USP15: variants seen among roughly 807,000 people sequenced by gnomAD.
The protein encoded by USP15 is ubiquitin specific peptidase 15.
USP15 carries 18 observed loss-of-function variants against 127.1 expected under a neutral mutation model. That is an observed-to-expected ratio of 0.14 (90% CI 0.10 to 0.21). The LOEUF is 0.21. Ranked by LOEUF, USP15 falls within the 10% of genes least tolerant of loss-of-function variation. The pLI is 1.00. For synonymous variants in USP15, 364 were observed against 393.7 expected, an observed-to-expected ratio of 0.92 and a Z score of 0.89; for missense variants, 805 against 1,159.9, an observed-to-expected ratio of 0.69 and a Z score of 4.44.
intron 6 of USP15, chr12:62,335,195 C>T: frequency 1.3e-6 from 2 of 1,535,644 alleles, no homozygotes; most frequent in Non-Finnish European, 1.7e-6. Flanking sequence ...TGCTAGTGAA[C>T]AGTTTAATTT....
At position 62,412,079 on chromosome 12, in the gene USP15, A is replaced by G. The variant is rs2068052400; in HGVS notation, c.*7704A>G. 1.3e-5 allele frequency: 2 copies of G among 152,218 alleles called. No individual in the cohort carries two copies. The highest frequency in any genetic ancestry group is 4.1e-4 in the South Asian group (2 of 4,832). The allele number at this position is 152,218 out of a possible 1,614,324, so 9.4% of individuals were successfully genotyped here. A position where few individuals can be genotyped will look rare whatever the true frequency, so the allele number is the denominator to read the frequency against. ...GATATTGCAGGTTCGGTTCCCAGCCACCATAAATATTTAAATAAAGTGAGT... is the reference window on the plus strand; with the variant it reads ...GATATTGCAGGTTCGGTTCCCAGCCGCCATAAATATTTAAATAAAGTGAGT... On this transcript the variant is annotated 3_prime_UTR_variant, in exon 22 of 22. Coordinates refer to ENST00000280377, the MANE Select transcript of USP15 (RefSeq NM_001252078.2).
At chr12:62,343,444 G>A (rs146100220) in intron 6 of USP15, among the ~76,000 whole-genome samples, 86 of 152,274 alleles carry the variant, frequency 5.6e-4, no homozygotes, top group Non-Finnish European at 1.0e-3. Flanking sequence ...GGCATTCCAG[G>A]CACCACTGTA....
chr12:62,287,037 G>A (rs181889824), intron 1 of USP15, among the ~76,000 whole-genome samples: 7 of 152,160 alleles, frequency 4.6e-5, no homozygotes, highest in Admixed American at 4.6e-4. Context: ...TGCAGCTGGA[G>A]GCCATTATTC....
chr12:62,320,629 C>CA (rs1173339253), intron 4 of USP15, among the ~76,000 whole-genome samples: 1 of 152,050 alleles, frequency 6.6e-6, no homozygotes, highest in African/African-American at 2.4e-5. Context: ...ATGCCCTTAT[C>CA]AAAACCTTAC....
At chr12:62,294,468 T>G in intron 2 of USP15, 162 bp downstream of exon 2, 1 of 701,796 alleles carries the variant, frequency 1.4e-6, no homozygotes, top group South Asian at 2.7e-5. Flanking sequence ...TATTAAAAAT[T>G]TTATTAGTTA....
At chr12:62,271,694 G>A (rs749329890) in intron 1 of USP15, among the ~76,000 whole-genome samples, 28 of 151,364 alleles carry the variant, frequency 1.8e-4, no homozygotes, top group Non-Finnish European at 3.0e-4. Flanking sequence ...TGCTTATCAC[G>A]CTTATATGTC....
chr12:62,293,777 C>G (rs1384775473), intron 1 of USP15, among the ~76,000 whole-genome samples: 1 of 152,246 alleles, frequency 6.6e-6, no homozygotes, highest in East Asian at 1.9e-4. Flanking sequence ...AACTGGTTTC[C>G]TTTACCTCCG....
Position 62,410,093 on chromosome 12 carries a change from A to T in USP15, c.*5718A>T, listed in dbSNP as rs1250332551. 2.0e-5 allele frequency: 3 copies of T among 152,144 alleles called. No individual in the cohort carries two copies. Among genetic ancestry groups the T allele is most frequent in the African/African-American group, 7.2e-5 (3 of 41,448 alleles). The allele number at this position is 152,144 out of a possible 1,614,324, so 9.4% of individuals were successfully genotyped here. On this transcript the variant is annotated 3_prime_UTR_variant, in exon 22 of 22. Coordinates refer to ENST00000280377, the MANE Select transcript of USP15 (RefSeq NM_001252078.2). ...TCTAACCTTGAGTCATTTCTATTAA[A>T]TACAGCATTTAATCTTCTTTCAAGT...
At chr12:62,306,180 C>T (rs1285539325) in intron 3 of USP15, 2 of 152,198 alleles carry the variant, frequency 1.3e-5, no homozygotes, top group Non-Finnish European at 2.9e-5. Flanking sequence ...AGTTAAGCTG[C>T]TCCCAGATTC....
intron 3 of USP15, among the ~76,000 whole-genome samples, chr12:62,311,571 A>T (rs1412435894): frequency 4.0e-5 from 6 of 151,710 alleles, no homozygotes; most frequent in Non-Finnish European, 7.4e-5. Flanking sequence ...TGATGGGTAG[A>T]TTTAGCCATC....
At chr12:62,279,234 G>A (rs1052606029) in intron 1 of USP15, 1 of 152,046 alleles carries the variant, frequency 6.6e-6, no homozygotes, top group Admixed American at 6.6e-5. Context: ...TACCTCATAA[G>A]TGGAATCATG....
intron 8 of USP15, among the ~76,000 whole-genome samples, chr12:62,358,608 C>T (rs1047660826): frequency 6.6e-5 from 10 of 151,852 alleles, no homozygotes; most frequent in Non-Finnish European, 1.0e-4. Context: ...CCAAGCTACT[C>T]GGGAGGCTAA....
At chr12:62,326,540 C>T (rs1312963002) in intron 6 of USP15, among the ~76,000 whole-genome samples, 1 of 72,402 alleles carries the variant, frequency 1.4e-5, no homozygotes, top group Non-Finnish European at 2.7e-5. Context: ...GTTTCTGTTT[C>T]TGCAAAAGGA....
intron 3 of USP15, 154 bp downstream of exon 3, chr12:62,303,074 T>C (rs955264937): frequency 2.5e-6 from 2 of 793,240 alleles, no homozygotes; most frequent in South Asian, 2.1e-5. Context: ...GCAAGTAACA[T>C]GTTAAGAAGG....
intron 1 of USP15, among the ~76,000 whole-genome samples, chr12:62,285,216 T>C (rs2063755234): frequency 6.6e-6 from 1 of 152,158 alleles, no homozygotes; most frequent in Non-Finnish European, 1.5e-5. Context: ...GAATAGTGTA[T>C]ATTGTACTCA....
At chr12:62,390,096 C>A in intron 14 of USP15, 108 bp downstream of exon 14, 1 of 1,141,432 alleles carries the variant, frequency 8.8e-7, no homozygotes, top group Non-Finnish European at 1.2e-6. Context: ...TTATTCAAGT[C>A]TGTATTATCT....
intron 6 of USP15, 114 bp from the exon 7 acceptor site, chr12:62,349,107 A>G (rs909651102): frequency 3.5e-6 from 2 of 563,650 alleles, no homozygotes; most frequent in African/African-American, 1.9e-5. Context: ...TTGCTCATAA[A>G]TCTATTTTTC....
chr12:62,395,387 ATAG>A (rs1275347352), intron 19 of USP15, among the ~76,000 whole-genome samples: 2 of 152,048 alleles, frequency 1.3e-5, no homozygotes, highest in African/African-American at 4.8e-5. Context: ...TTGTGGGTAC[ATAG>A]TAGGTGTATA....
intron 7 of USP15, among the ~76,000 whole-genome samples, chr12:62,351,087 A>AT (rs1481261391): frequency 6.6e-6 from 1 of 151,994 alleles, no homozygotes; most frequent in Middle Eastern, 3.2e-3. Context: ...TACTAGAATA[A>AT]TTTTTTCTAG....
Sources: gnomAD v4.1 joint callset for allele counts (sites outside exome capture counted in the v4.1 genomes callset) on GRCh38, gnomAD v4.1.1 for gene constraint, MANE v1.5 for transcripts, NCBI Gene and HGNC (gene_info 2026-07-23, HGNC 2026-07-21) for gene names.